Variants in AMD1 observed in about 807,000 individuals in gnomAD.
AMD1 encodes adenosylmethionine decarboxylase 1.
In AMD1, 11 loss-of-function variants were observed where a neutral mutation model predicts 40.2. The ratio of observed to expected loss-of-function variants is 0.27; its 90% confidence interval spans 0.17 to 0.45. The LOEUF (loss-of-function observed/expected upper bound fraction) is 0.45. Among genes scored for constraint, AMD1 ranks in the 20% least tolerant of loss-of-function variants. AMD1 has a pLI of 1.00. For missense variants in AMD1, 257 were observed against 410.2 expected (o/e 0.63, Z 3.23); for synonymous variants, 121 against 130.8 (o/e 0.93, Z 0.51).
the AMD1 span, chr6:110,816,047 CTT>C: frequency 6.6e-6 from 1 of 152,194 alleles, no homozygotes; most frequent in Non-Finnish European, 1.5e-5. Flanking sequence ...ATAGGTTGAT[CTT>C]TTTTCTTTAC....
chr6:110,851,026 C>A, the AMD1 span, among the ~76,000 whole-genome samples: 5 of 152,024 alleles, frequency 3.3e-5, no homozygotes, highest in Admixed American at 1.3e-4. Context: ...TGCAGTGGTG[C>A]AATCTTGGTT....
At chr6:110,835,636 C>T in the AMD1 span, among the ~76,000 whole-genome samples, 6 of 151,982 alleles carry the variant, frequency 3.9e-5, no homozygotes, top group East Asian at 5.8e-4. Flanking sequence ...GAGGCCAAGG[C>T]GGGCAGATCA....
the AMD1 span, among the ~76,000 whole-genome samples, chr6:110,844,586 C>G: frequency 5.3e-5 from 8 of 151,804 alleles, no homozygotes; most frequent in African/African-American, 1.9e-4. Context: ...TCGAGACCAT[C>G]GTGGCTAACA....
intron 1 of AMD1, 64 bp downstream of exon 1, chr6:110,875,279 G>C: frequency 1.5e-6 from 2 of 1,300,802 alleles, no homozygotes. Flanking sequence ...CGAGGCACCA[G>C]CCACGGGTGG....
chr6:110,821,370 G>A, the AMD1 span, among the ~76,000 whole-genome samples: 16 of 152,146 alleles, frequency 1.1e-4, no homozygotes, highest in African/African-American at 3.1e-4. Context: ...AGGCCGAGGC[G>A]GGTGGATCAC....
At position 110,883,579 on chromosome 6, in the gene AMD1, G is replaced by C. The variant is rs568170476; in HGVS notation, c.111-3926G>C. On this transcript the variant is annotated intron_variant, in intron 1 of 8. Transcript: ENST00000368885. ...GCAGATGTCTAAAACAACGAGAGAA[G>C]GGAATCATTTTTTGTTTGTTGTTTG... is the stretch of plus-strand genomic sequence containing the variant. Among the ~76,000 whole-genome samples the C allele has an allele frequency of 2.6e-4, 40 of 152,230 alleles. 1 individual carries two copies. The South Asian group carries it at 8.3e-3, about 32-fold the overall frequency.
chr6:110,818,970 C>A, the AMD1 span, among the ~76,000 whole-genome samples: 4 of 152,178 alleles, frequency 2.6e-5, no homozygotes, highest in African/African-American at 9.7e-5. Flanking sequence ...CTATAATCAG[C>A]CCTGAGTATT....
chr6:110,835,202 T>C, the AMD1 span, among the ~76,000 whole-genome samples: 5 of 150,948 alleles, frequency 3.3e-5, no homozygotes, highest in African/African-American at 1.2e-4. Context: ...GTATTTTTAG[T>C]AGAGACGGGG....
the AMD1 span, among the ~76,000 whole-genome samples, chr6:110,822,734 T>G: frequency 6.6e-6 from 1 of 152,232 alleles, no homozygotes; most frequent in African/African-American, 2.4e-5. Context: ...TAATTCTCCA[T>G]GACCAAGTGG....
At chr6:110,829,217 G>A in the AMD1 span, among the ~76,000 whole-genome samples, 1 of 151,862 alleles carries the variant, frequency 6.6e-6, no homozygotes, top group Non-Finnish European at 1.5e-5. Flanking sequence ...TGCCTGGCCT[G>A]AGTATAGAAT....
intron 1 of AMD1, among the ~76,000 whole-genome samples, chr6:110,881,057 T>C (rs1785383960): frequency 6.6e-6 from 1 of 152,246 alleles, no homozygotes; most frequent in African/African-American, 2.4e-5. Context: ...AAATATAAAA[T>C]GTGGCATGCC....
the AMD1 span, among the ~76,000 whole-genome samples, chr6:110,825,620 C>T: frequency 0.18 from 27,350 of 152,132 alleles, 3,396 homozygotes; most frequent in East Asian, 0.67. Flanking sequence ...CTTGCCTTTA[C>T]GCTTTCTAGT....
intron 6 of AMD1, 109 bp from the exon 7 acceptor site, chr6:110,892,626 A>C: frequency 7.1e-7 from 1 of 1,410,348 alleles, no homozygotes; most frequent in Non-Finnish European, 9.9e-7. Flanking sequence ...AGTACCCATT[A>C]GTTATTTTTC....
chr6:110,858,259 C>A, the AMD1 span: 1 of 953,646 alleles, frequency 1.0e-6, no homozygotes, highest in Non-Finnish European at 1.7e-6. Flanking sequence ...CGCAGTTCAA[C>A]AAGGACCCCT....
chr6:110,847,863 C>T, the AMD1 span, among the ~76,000 whole-genome samples: 2 of 151,612 alleles, frequency 1.3e-5, no homozygotes, highest in African/African-American at 2.4e-5. Context: ...AGGTGCACAC[C>T]ACCATGCCCA....
Position 110,895,407 on chromosome 6 carries a change from A to G in AMD1, c.*1791A>G, listed in dbSNP as rs545248783. 1.7e-4 allele frequency: 26 copies of G among 152,290 alleles called. No individual in the cohort carries two copies. Among genetic ancestry groups the G allele is most frequent in the African/African-American group, 5.3e-4 (22 of 41,542 alleles). 9.4% of individuals were successfully genotyped at this position (152,290 alleles called of 1,614,324 possible). On this transcript the variant is annotated 3_prime_UTR_variant, in exon 9 of 9. Coordinates refer to ENST00000368885, the MANE Select transcript of AMD1 (RefSeq NM_001634.6). ...TTAAGGTGGACTTTGTTCGTAAACAATATCCCAATAGATTTGTTGACTTGA... is the reference window on the plus strand; with the variant it reads ...TTAAGGTGGACTTTGTTCGTAAACAGTATCCCAATAGATTTGTTGACTTGA...
the AMD1 span, among the ~76,000 whole-genome samples, chr6:110,817,690 GA>G: frequency 6.6e-6 from 1 of 152,070 alleles, no homozygotes; most frequent in African/African-American, 2.4e-5. Context: ...GAGATAGCAG[GA>G]AAAAAATTAG....
chr6:110,874,780 C>G (rs887057022), upstream of AMD1: 2 of 205,040 alleles, frequency 9.8e-6, no homozygotes, highest in East Asian at 2.3e-4. Context: ...TCACGCAGCG[C>G]TCTCGCTTAC....
chr6:110,827,102 A>T, the AMD1 span, among the ~76,000 whole-genome samples: 1 of 152,122 alleles, frequency 6.6e-6, no homozygotes, highest in African/African-American at 2.4e-5. Context: ...AGCCTATTTC[A>T]AAATAAAGGT....
Sources: allele counts gnomAD v4.1 joint callset (sites outside exome capture counted in the v4.1 genomes callset), GRCh38; gene constraint gnomAD v4.1.1; transcripts MANE v1.5; gene names NCBI Gene and HGNC (gene_info 2026-07-23, HGNC 2026-07-21).